Variants in CAMTA1 observed in about 807,000 individuals in gnomAD.
The protein encoded by CAMTA1 is calmodulin binding transcription activator 1.
In CAMTA1, 27 loss-of-function variants were observed where a neutral mutation model predicts 170.9. The observed-to-expected ratio is 0.16, with a 90% CI of 0.12 to 0.22. The LOEUF (loss-of-function observed/expected upper bound fraction) is 0.22. Among genes scored for constraint, CAMTA1 ranks in the 10% least tolerant of loss-of-function variants. The probability of loss-of-function intolerance (pLI) is 1.00; values close to 1 mark genes in which losing one functional copy is unlikely to be tolerated. For missense variants in CAMTA1, 1,619 were observed against 2,217.2 expected (o/e 0.73, Z 5.42); for synonymous variants, 833 against 891.5 (o/e 0.93, Z 1.17).
intron 3 of CAMTA1, among the ~76,000 whole-genome samples, chr1:6,952,897 G>A (rs1194044614): frequency 9.9e-5 from 15 of 152,104 alleles, no homozygotes. Context: ...ATACAGAAAA[G>A]AAAAGAATTA....
In CAMTA1 at chr1:7,063,907, C is replaced by T. The variant is rs1250243605; in HGVS notation, c.235-27397C>T. Among the ~76,000 whole-genome samples, 1 of 152,184 alleles carries T rather than the reference C, an allele frequency of 6.6e-6. No homozygotes were observed. Among genetic ancestry groups the T allele is most frequent in the Non-Finnish European group, 1.5e-5 (1 of 68,024 alleles). On this transcript the variant is annotated intron_variant, in intron 3 of 22. Coordinates refer to ENST00000303635, the MANE Select transcript of CAMTA1 (RefSeq NM_015215.4). This position sits in a 1 kb window ranked among gnomAD's most constrained non-coding sequence, Gnocchi z 4.3. ...CTGCTCAGGCTGCTGTAACAAAATA[C>T]CATAGACTGGGTGGCTTTAACAGAA...
intron 3 of CAMTA1, among the ~76,000 whole-genome samples, chr1:7,059,047 C>T (rs919034535): frequency 2.6e-5 from 4 of 152,302 alleles, no homozygotes; most frequent in Non-Finnish European, 5.9e-5. Flanking sequence ...GAGGGTGCAA[C>T]GTCTGGGCCA....
chr1:7,441,780 C>T (rs1014978257), intron 5 of CAMTA1, among the ~76,000 whole-genome samples: 3 of 152,132 alleles, frequency 2.0e-5, no homozygotes, highest in African/African-American at 7.2e-5. Context: ...TCGTCTCGCT[C>T]ATTAATTGGG....
intron 1 of CAMTA1, among the ~76,000 whole-genome samples, chr1:6,810,448 T>C (rs1645028466): frequency 1.3e-5 from 2 of 152,166 alleles, no homozygotes; most frequent in Admixed American, 6.5e-5. Flanking sequence ...ACCTTTGCCA[T>C]GTTCTGCTGG....
chr1:7,187,707 C>T (rs1653672011), intron 4 of CAMTA1, among the ~76,000 whole-genome samples: 1 of 152,212 alleles, frequency 6.6e-6, no homozygotes, highest in African/African-American at 2.4e-5. Flanking sequence ...CTGGCACCAA[C>T]CTTCATTATC....
At chr1:7,252,503 G>A (rs932973700) in intron 5 of CAMTA1, among the ~76,000 whole-genome samples, 4 of 152,210 alleles carry the variant, frequency 2.6e-5, no homozygotes, top group African/African-American at 9.6e-5. Flanking sequence ...AAGCCCAGGG[G>A]GTGTGCTCTG....
In CAMTA1 at chr1:7,561,704, C is replaced by T. The variant is rs1434196179; in HGVS notation, c.511-78696C>T. On this transcript the variant is annotated intron_variant, in intron 6 of 22. Transcript: ENST00000303635. This position sits in a 1 kb window ranked among gnomAD's most constrained non-coding sequence, Gnocchi z 5.3. ...GTCAGAGGCCACCCCTCCCCAGCCC[C>T]CTAGGCCACTGTGTTAGATTCTTCA... 6.6e-6 allele frequency among the ~76,000 whole-genome samples: 1 copy of T among 150,974 alleles called. No individual in the cohort carries two copies. Among genetic ancestry groups the T allele is most frequent in the Non-Finnish European group, 1.5e-5 (1 of 67,650 alleles).
At chr1:6,787,647 G>A (rs564639413) in intron 1 of CAMTA1, among the ~76,000 whole-genome samples, 6 of 152,332 alleles carry the variant, frequency 3.9e-5, no homozygotes, top group Admixed American at 2.6e-4. Flanking sequence ...AGAAGCAGCA[G>A]CAGAAGAATC....
In CAMTA1 at chr1:7,600,958, C is replaced by T. The variant is rs1290634121; in HGVS notation, c.511-39442C>T. Among the ~76,000 whole-genome samples the T allele has an allele frequency of 7.9e-5, 12 of 151,988 alleles. No individual in the cohort carries two copies. The East Asian group carries it at 2.4e-3, about 30-fold the overall frequency. The stretch of plus-strand genomic sequence containing the variant: ...TTCCCCCCTTTCTATTCCACAAAAC[C>T]ACCATTGTCATCATGGCCCGTTCTC... On this transcript the variant is annotated intron_variant, in intron 6 of 22. Transcript: ENST00000303635.
intron 11 of CAMTA1, among the ~76,000 whole-genome samples, chr1:7,716,851 C>G (rs2096613854): frequency 6.6e-6 from 1 of 152,180 alleles, no homozygotes; most frequent in Admixed American, 6.5e-5. Flanking sequence ...TTCACAATAA[C>G]CAGGATACGG....
At chr1:7,155,396 G>C (rs1248446647) in intron 4 of CAMTA1, among the ~76,000 whole-genome samples, 1 of 151,506 alleles carries the variant, frequency 6.6e-6, no homozygotes, top group African/African-American at 2.4e-5. Context: ...TTGGGGGGGG[G>C]ATTGGGCAGG....
intron 6 of CAMTA1, among the ~76,000 whole-genome samples, chr1:7,499,938 GGAT>G (rs751561506): frequency 7.1e-6 from 1 of 140,098 alleles, no homozygotes; most frequent in African/African-American, 2.7e-5. Flanking sequence ...TGTGCAGAGA[GGAT>G]GAGTGTGTGG....
At chr1:6,894,354 A>C (rs899198728) in intron 3 of CAMTA1, among the ~76,000 whole-genome samples, 1 of 152,266 alleles carries the variant, frequency 6.6e-6, no homozygotes, top group Non-Finnish European at 1.5e-5. Flanking sequence ...GCTATACTGA[A>C]TATTTCATGT....
intron 4 of CAMTA1, among the ~76,000 whole-genome samples, chr1:7,197,928 G>A (rs1301672617): frequency 6.6e-6 from 1 of 151,840 alleles, no homozygotes; most frequent in Non-Finnish European, 1.5e-5. Context: ...TGGGGAGACA[G>A]CTCATTGTCC....
chr1:7,285,272 T>C (rs1259144502), intron 5 of CAMTA1, among the ~76,000 whole-genome samples: 1 of 152,200 alleles, frequency 6.6e-6, no homozygotes, highest in Admixed American at 6.5e-5. Flanking sequence ...ATGGAGAGAA[T>C]CCTTGTCAGG....
chr1:7,076,729 A>T (rs1558062194), intron 3 of CAMTA1, among the ~76,000 whole-genome samples: 1 of 152,114 alleles, frequency 6.6e-6, no homozygotes, highest in Non-Finnish European at 1.5e-5. Flanking sequence ...CTGCTTTCCC[A>T]AGCAGTGGCA....
chr1:6,849,641 A>G (rs1340262790), intron 3 of CAMTA1, among the ~76,000 whole-genome samples: 3 of 151,634 alleles, frequency 2.0e-5, no homozygotes, highest in Non-Finnish European at 4.4e-5. Context: ...AAAATTATAT[A>G]TATATATATT....
Position 7,673,889 on chromosome 1 carries a change from C to T in CAMTA1, c.2779+2852C>T, listed in dbSNP as rs1042287627. ...CCTGGAATGGAGCAAACAATAAGAC[C>T]CAGCTTCTCACCGGGCCCCTGATCG... On this transcript the variant is annotated intron_variant, in intron 10 of 22. Coordinates refer to ENST00000303635, the MANE Select transcript of CAMTA1 (RefSeq NM_015215.4). The surrounding 1 kb of genome is among the most constrained non-coding windows in gnomAD (Gnocchi z 4.6). Among the ~76,000 whole-genome samples the T allele has an allele frequency of 1.3e-5, 2 of 152,152 alleles. No homozygotes were observed. The highest frequency in any genetic ancestry group is 2.4e-5 in the African/African-American group (1 of 41,418).
chr1:6,995,496 G>C (rs915191419), intron 3 of CAMTA1, among the ~76,000 whole-genome samples: 1 of 151,660 alleles, frequency 6.6e-6, no homozygotes, highest in Non-Finnish European at 1.5e-5. Context: ...TAGAGACGAG[G>C]CTTCACCATT....
Sources: allele counts gnomAD v4.1 joint callset (sites outside exome capture counted in the v4.1 genomes callset), GRCh38; gene constraint gnomAD v4.1.1; non-coding constraint Gnocchi (gnomAD v3.1); transcripts MANE v1.5; gene names NCBI Gene and HGNC (gene_info 2026-07-23, HGNC 2026-07-21).